PIK3CB: variants seen among roughly 807,000 people sequenced by gnomAD.
PIK3CB encodes phosphatidylinositol-4,5-bisphosphate 3-kinase catalytic subunit beta.
PIK3CB carries 39 observed loss-of-function variants against 136.8 expected under a neutral mutation model. The ratio of observed to expected loss-of-function variants is 0.29; its 90% CI spans 0.22 to 0.37. The LOEUF (loss-of-function observed/expected upper bound fraction) is 0.37, where lower values mean the gene tolerates loss of function less well. Ranked by LOEUF, PIK3CB falls within the 10% of genes least tolerant of loss-of-function variation. PIK3CB has a pLI of 1.00. For missense variants in PIK3CB, 868 were observed against 1,275.4 expected (o/e 0.68, Z 4.87); for synonymous variants, 428 against 436.6 (o/e 0.98, Z 0.25).
At chr3:138,786,095 A>T (rs1317224856) in intron 2 of PIK3CB, among the ~76,000 whole-genome samples, 1 of 152,120 alleles carries the variant, frequency 6.6e-6, no homozygotes, top group African/African-American at 2.4e-5. Flanking sequence ...TCCATCTCAA[A>T]TAAAATAAAA....
intron 10 of PIK3CB, among the ~76,000 whole-genome samples, chr3:138,710,058 G>A (rs1312616395): frequency 6.7e-6 from 1 of 150,230 alleles, no homozygotes. Context: ...GTGTGGTGGC[G>A]TATGCCTATA....
chr3:138,683,602 T>A (rs2043824969), intron 18 of PIK3CB, 76 bp downstream of exon 18: 1 of 810,270 alleles, frequency 1.2e-6, no homozygotes, highest in African/African-American at 1.7e-5. Context: ...ACACTACACA[T>A]CACCTTTCAG....
intron 1 of PIK3CB, chr3:138,826,369 G>A: frequency 9.0e-6 from 14 of 1,550,076 alleles, no homozygotes; most frequent in Non-Finnish European, 1.2e-5. Flanking sequence ...CTTAATCAGT[G>A]GTGGAAGAAT....
chr3:138,716,001 G>A (rs1243145607), intron 8 of PIK3CB, among the ~76,000 whole-genome samples: 2 of 151,798 alleles, frequency 1.3e-5, no homozygotes, highest in African/African-American at 4.8e-5. Flanking sequence ...TGGATGATGG[G>A]TTCATGGAGG....
intron 5 of PIK3CB, among the ~76,000 whole-genome samples, chr3:138,739,641 C>CTA (rs961783921): frequency 9.3e-5 from 14 of 151,206 alleles, no homozygotes; most frequent in Non-Finnish European, 1.6e-4. Context: ...TGGATCACAC[C>CTA]TATAATCCCA....
intron 8 of PIK3CB, among the ~76,000 whole-genome samples, chr3:138,724,348 T>C (rs2044793040): frequency 6.6e-6 from 1 of 150,790 alleles, no homozygotes; most frequent in Admixed American, 6.6e-5. Flanking sequence ...GGGTTCCAAG[T>C]GCAGAAGCTT....
intron 1 of PIK3CB, among the ~76,000 whole-genome samples, chr3:138,824,428 T>A (rs1279825052): frequency 6.6e-6 from 1 of 152,124 alleles, no homozygotes; most frequent in Non-Finnish European, 1.5e-5. Flanking sequence ...ATTCCAGCAG[T>A]AAGCCAGCTA....
At chr3:138,690,874 A>C in intron 15 of PIK3CB, 126 bp downstream of exon 15, 1 of 675,978 alleles carries the variant, frequency 1.5e-6, no homozygotes, top group Non-Finnish European at 2.4e-6. Flanking sequence ...AAGGCACCAA[A>C]ACCATATAAA....
chr3:138,655,342 G>A lies in PIK3CB; in HGVS notation c.*47C>T, dbSNP rs2108380500. Reference sequence around the variant, plus strand: ...GTTCAATTTAGTGCAAGTGCAAAATGAAAATGAAATGAAACCAACAAATAC... The same window carrying A: ...GTTCAATTTAGTGCAAGTGCAAAATAAAAATGAAATGAAACCAACAAATAC... On this transcript the variant is annotated 3_prime_UTR_variant, in exon 24 of 24. Coordinates refer to ENST00000674063, the MANE Select transcript of PIK3CB (RefSeq NM_006219.3). The A allele has an allele frequency of 6.3e-7, 1 of 1,594,546 alleles. No homozygotes were observed. Among genetic ancestry groups the A allele is most frequent in the South Asian group, 1.1e-5 (1 of 89,904 alleles).
chr3:138,767,076 A>G (rs1333468899), intron 2 of PIK3CB, among the ~76,000 whole-genome samples: 2 of 151,776 alleles, frequency 1.3e-5, no homozygotes, highest in African/African-American at 2.4e-5. Flanking sequence ...TGGGGGGCTG[A>G]GGCAGGAGAA....
intron 19 of PIK3CB, among the ~76,000 whole-genome samples, chr3:138,675,557 C>A (rs2043626762): frequency 6.6e-6 from 1 of 152,018 alleles, no homozygotes; most frequent in Non-Finnish European, 1.5e-5. Flanking sequence ...TTGAAAGGAA[C>A]AAGAGAGATG....
At position 138,727,939 on chromosome 3, in the gene PIK3CB, C is replaced by G. The variant is rs534011574; in HGVS notation, c.1050+5422G>C. Reference sequence around the variant, plus strand: ...ATGGTGTGACCTCAGCTCACTGCAACCTCCGCCTCCCAGGTTTCAGTGTTA... The same window carrying G: ...ATGGTGTGACCTCAGCTCACTGCAAGCTCCGCCTCCCAGGTTTCAGTGTTA... On this transcript the variant is annotated intron_variant, in intron 8 of 23. Transcript: ENST00000674063. Among the ~76,000 whole-genome samples the G allele has an allele frequency of 3.3e-5, 5 of 152,150 alleles. No individual in the cohort carries two copies. The South Asian group carries it at 1.0e-3, about 32-fold the overall frequency.
At chr3:138,717,643 TA>T (rs1199361982) in intron 8 of PIK3CB, among the ~76,000 whole-genome samples, 2 of 152,194 alleles carry the variant, frequency 1.3e-5, no homozygotes, top group East Asian at 3.8e-4. Flanking sequence ...ATCTAGGCAT[TA>T]AGCCTAGTAC....
chr3:138,723,741 C>T (rs1168220326), intron 8 of PIK3CB, among the ~76,000 whole-genome samples: 1 of 152,096 alleles, frequency 6.6e-6, no homozygotes, highest in Non-Finnish European at 1.5e-5. Flanking sequence ...GACTGCATTC[C>T]TATACTCACC....
intron 11 of PIK3CB, 122 bp downstream of exon 11, chr3:138,707,037 A>C (rs554798574): frequency 1.4e-6 from 1 of 734,694 alleles, no homozygotes; most frequent in African/African-American, 1.8e-5. Context: ...TGGTCTTCCC[A>C]CTCAACAAAG....
chr3:138,802,355 G>A (rs1438895805), intron 1 of PIK3CB, among the ~76,000 whole-genome samples: 3 of 151,062 alleles, frequency 2.0e-5, no homozygotes, highest in Admixed American at 6.6e-5. Context: ...ACTCCAGCCT[G>A]TGTGACAGAG....
Position 138,655,637 on chromosome 3 carries a change from G to A in PIK3CB, c.3076-111C>T, listed in dbSNP as rs2043178006. Reference sequence around the variant, plus strand: ...GTGCCTCCCCAGCCACCATCAGGCAGCATGCTTCATGTTCTTATTTAAATA... The same window carrying A: ...GTGCCTCCCCAGCCACCATCAGGCAACATGCTTCATGTTCTTATTTAAATA... On this transcript the variant is annotated intron_variant, in intron 23 of 23. Transcript: ENST00000674063. 7 of 772,430 alleles carry A rather than the reference G, an allele frequency of 9.1e-6. No homozygotes were observed. In the South Asian group the frequency reaches 1.1e-4, roughly 12 times the overall value. The allele number at this position is 772,430 out of a possible 1,614,324, so 47.8% of individuals were successfully genotyped here.
chr3:138,674,815 G>T (rs2043610641), intron 19 of PIK3CB, among the ~76,000 whole-genome samples: 1 of 152,160 alleles, frequency 6.6e-6, no homozygotes. Flanking sequence ...CAGCACTTTG[G>T]GAGGCCAAGG....
In PIK3CB at chr3:138,694,837, T is replaced by G. The variant is rs993589147; in HGVS notation, c.1841A>C (p.Tyr614Ser). The G allele has an allele frequency of 1.2e-6, 2 of 1,613,400 alleles. No homozygotes were observed. Among genetic ancestry groups the G allele is most frequent in the Non-Finnish European group, 1.7e-6 (2 of 1,179,710 alleles). ...ATATTCTCGAACGTACTGGTCTGGA[T>G]AGTTGAAATCCAGAAGCTCTAGGGC... Reference protein sequence around the residue: ...REALELLDFNYPDQYVREYAV... With the variant: ...REALELLDFNSPDQYVREYAV... The change falls in exon 14 of 24, where the codon TAT becomes TCT. Residue 614 changes from tyrosine to serine, a missense_variant. By Grantham distance (144) the Tyr-to-Ser change is moderately radical (BLOSUM62 -2). Around this residue, in one of 4 missense-constraint regions of PIK3CB, gnomAD observed 612 missense variants for 801.1 expected, o/e 0.76. Coordinates refer to ENST00000674063, the MANE Select transcript of PIK3CB (RefSeq NM_006219.3).
Sources: gnomAD v4.1 joint callset for allele counts (sites outside exome capture counted in the v4.1 genomes callset) on GRCh38, gnomAD v4.1.1 for gene constraint, gnomAD v4.1.1 regional missense constraint, MANE v1.5 for transcripts, NCBI Gene and HGNC (gene_info 2026-07-23, HGNC 2026-07-21) for gene names.